ARHGEF6: variants seen among roughly 807,000 people sequenced by gnomAD.
The protein encoded by ARHGEF6 is rho guanine nucleotide exchange factor 6.
Under a neutral mutation model 70.3 loss-of-function variants are expected in ARHGEF6, and 9 were observed. That is an observed-to-expected ratio of 0.13 (90% CI 0.08 to 0.22). The LOEUF (loss-of-function observed/expected upper bound fraction) is 0.22. ARHGEF6 is among the 10% of genes least tolerant of loss of function. ARHGEF6 has a pLI of 1.00. For missense variants in ARHGEF6, 470 were observed against 563.0 expected (o/e 0.83, Z 1.67); for synonymous variants, 201 against 207.8 (o/e 0.97, Z 0.28).
chrX:136,686,635 TATATATAC>T (rs2076397540), intron 11 of ARHGEF6, among the ~76,000 whole-genome samples: 3 of 77,098 alleles, frequency 3.9e-5, no homozygotes, highest in Admixed American at 1.5e-4. Flanking sequence ...CATATATATA[TATATATAC>T]ACACATATAT....
At chrX:136,734,884 T>C (rs1362304970) in intron 5 of ARHGEF6, among the ~76,000 whole-genome samples, 3 of 111,973 alleles carry the variant, frequency 2.7e-5, no homozygotes, top group Non-Finnish European at 5.6e-5. Flanking sequence ...AAAAGTCACA[T>C]GATAATATTA....
intron 2 of ARHGEF6, among the ~76,000 whole-genome samples, chrX:136,766,434 T>C (rs966176868): frequency 5.4e-5 from 6 of 110,866 alleles, no homozygotes; most frequent in African/African-American, 2.0e-4. Flanking sequence ...AAAATATACA[T>C]AATTGCAGAG....
chrX:136,728,229 C>T (rs1287603717), intron 6 of ARHGEF6, among the ~76,000 whole-genome samples: 1 of 111,424 alleles, frequency 9.0e-6, no homozygotes, highest in Non-Finnish European at 1.9e-5. Flanking sequence ...CAAAAGCTTT[C>T]TCTGGACTGC....
chrX:136,702,429 G>A (rs6633834), intron 9 of ARHGEF6, among the ~76,000 whole-genome samples: 22 of 111,866 alleles, frequency 2.0e-4, no homozygotes, highest in East Asian at 1.9e-3. Flanking sequence ...TTCTAAATAC[G>A]CCAATTAAAA....
chrX:136,767,832 C>T (rs1470228490), intron 2 of ARHGEF6: 1 of 709,788 alleles, frequency 1.4e-6, no homozygotes, highest in African/African-American at 3.0e-5. Context: ...GACAGCGGCG[C>T]AGGCAGAGCA....
intron 2 of ARHGEF6, among the ~76,000 whole-genome samples, chrX:136,769,397 C>T (rs769950542): frequency 6.6e-4 from 73 of 110,961 alleles, no homozygotes; most frequent in African/African-American, 2.3e-3. Context: ...GGTGACAGAG[C>T]GAGACTCCAT....
chrX:136,767,119 AC>A (rs2077323213), intron 2 of ARHGEF6: 2 of 751,019 alleles, frequency 2.7e-6, no homozygotes, highest in African/African-American at 2.3e-5. Flanking sequence ...CCTTCCCCTG[AC>A]CCTTTTGCCC....
At chrX:136,740,912 T>G (rs779218407) in intron 5 of ARHGEF6, among the ~76,000 whole-genome samples, 229 of 111,941 alleles carry the variant, frequency 2.0e-3, no homozygotes, top group African/African-American at 7.1e-3. Context: ...GATTGAAAGA[T>G]GTAGTGAGAG....
At chrX:136,705,523 C>G (rs1344063809) in intron 9 of ARHGEF6, among the ~76,000 whole-genome samples, 1 of 111,766 alleles carries the variant, frequency 8.9e-6, no homozygotes, top group Non-Finnish European at 1.9e-5. Flanking sequence ...AGTTCTTGGG[C>G]ACATTACTTA....
intron 12 of ARHGEF6, among the ~76,000 whole-genome samples, chrX:136,683,361 T>C: frequency 9.3e-6 from 1 of 107,248 alleles, no homozygotes; most frequent in East Asian, 2.8e-4. Flanking sequence ...AGATACACTT[T>C]CTTTTTTTTT....
intron 9 of ARHGEF6, among the ~76,000 whole-genome samples, chrX:136,691,803 C>T (rs1220657737): frequency 9.0e-6 from 1 of 111,627 alleles, no homozygotes; most frequent in Non-Finnish European, 1.9e-5. Flanking sequence ...TTTAGCCTCA[C>T]TGCTTTCCTA....
intron 2 of ARHGEF6, among the ~76,000 whole-genome samples, chrX:136,758,223 T>C (rs1251648978): frequency 9.4e-6 from 1 of 106,912 alleles, no homozygotes; most frequent in East Asian, 2.9e-4. Flanking sequence ...GCTAATTTTT[T>C]TGTATTTTTA....
intron 6 of ARHGEF6, among the ~76,000 whole-genome samples, chrX:136,728,073 T>A (rs1253453288): frequency 3.6e-5 from 4 of 112,360 alleles, no homozygotes; most frequent in Admixed American, 9.4e-5. Context: ...ACTTTTTAAA[T>A]CTTCCTGGCA....
At chrX:136,726,838 A>T (rs2076857665) in intron 6 of ARHGEF6, among the ~76,000 whole-genome samples, 1 of 112,996 alleles carries the variant, frequency 8.8e-6, no homozygotes, top group African/African-American at 3.2e-5. Context: ...GTTGAATATT[A>T]GGATTACTGT....
At chrX:136,763,244 C>T (rs1005779758) in intron 2 of ARHGEF6, among the ~76,000 whole-genome samples, 1 of 112,295 alleles carries the variant, frequency 8.9e-6, no homozygotes, top group Non-Finnish European at 1.9e-5. Context: ...CTTTCACATA[C>T]CTTACCTCAT....
At chrX:136,702,378 T>C (rs1399194835) in intron 9 of ARHGEF6, among the ~76,000 whole-genome samples, 1 of 112,549 alleles carries the variant, frequency 8.9e-6, no homozygotes, top group East Asian at 2.8e-4. Context: ...ACATGGCAGA[T>C]ACTAATCCAA....
chrX:136,701,794 G>A lies in ARHGEF6; in HGVS notation c.1046+5114C>T, dbSNP rs1285889440. On this transcript the variant is annotated intron_variant, in intron 9 of 21. Coordinates refer to ENST00000250617, the MANE Select transcript of ARHGEF6 (RefSeq NM_004840.3). ...GCCATCTTGGCTCACTGCAAGCTCCGCCTCCCGGGTTCACGCCATTCTCCT... is the reference window on the plus strand; with the variant it reads ...GCCATCTTGGCTCACTGCAAGCTCCACCTCCCGGGTTCACGCCATTCTCCT... Among the ~76,000 whole-genome samples, 7 of 93,736 alleles carry A rather than the reference G, an allele frequency of 7.5e-5. No individual in the cohort carries two copies. The South Asian group carries it at 1.8e-3, about 24-fold the overall frequency. 81.4% of individuals were successfully genotyped at this position (93,736 alleles called of 115,157 possible).
In ARHGEF6 at chrX:136,676,624, T is replaced by A. The variant is rs1029200973; in HGVS notation, c.1945A>T (p.Ser649Cys). The A allele has an allele frequency of 2.5e-6, 3 of 1,185,297 alleles. No homozygotes were observed. Among genetic ancestry groups the A allele is most frequent in the Non-Finnish European group, 3.4e-6 (3 of 872,611 alleles). Reference protein sequence around the residue: ...PSEEEYVIRKSTAALEEDAQI... With the variant: ...PSEEEYVIRKCTAALEEDAQI... ...CTTTCAGAAAGTACAAAACACATACTTTTCCTAATCACATATTCCTCCTCC... is the reference window on the plus strand; with the variant it reads ...CTTTCAGAAAGTACAAAACACATACATTTCCTAATCACATATTCCTCCTCC... The change falls in exon 18 of 22, where the codon AGT becomes TGT. Residue 649 changes from serine (S) to cysteine (C), a missense_variant and splice_region_variant. Physicochemically the swap from Ser to Cys is moderately radical, Grantham distance 112. Coordinates refer to ENST00000250617, the MANE Select transcript of ARHGEF6 (RefSeq NM_004840.3).
At chrX:136,728,241 A>T (rs1241766785) in intron 6 of ARHGEF6, among the ~76,000 whole-genome samples, 1 of 111,448 alleles carries the variant, frequency 9.0e-6, no homozygotes, top group East Asian at 2.8e-4. Flanking sequence ...CTGGACTGCC[A>T]TGTCCCTCAA....
Sources: allele counts gnomAD v4.1 joint callset (sites outside exome capture counted in the v4.1 genomes callset), GRCh38; gene constraint gnomAD v4.1.1; transcripts MANE v1.5; gene names NCBI Gene and HGNC (gene_info 2026-07-23, HGNC 2026-07-21).